Variants in MINDY2 observed in about 807,000 individuals in gnomAD.
MINDY2 encodes MINDY lysine 48 deubiquitinase 2, also known as ubiquitin carboxyl-terminal hydrolase MINDY-2.
Under a neutral mutation model 68.2 loss-of-function variants are expected in MINDY2, and 52 were observed. That is an observed-to-expected ratio of 0.76 (90% confidence interval 0.61 to 0.96). The LOEUF (loss-of-function observed/expected upper bound fraction) is 0.96. Ranked by LOEUF, MINDY2 falls within the 40% of genes least tolerant of loss-of-function variation. The probability of loss-of-function intolerance (pLI) is 0.00; values close to 1 mark genes in which losing one functional copy is unlikely to be tolerated. For missense variants in MINDY2, 881 were observed against 773.4 expected, an observed-to-expected ratio of 1.14 and a Z score of -1.65; for synonymous variants, 372 against 303.0, an observed-to-expected ratio of 1.23 and a Z score of -2.36.
At chr15:58,788,024 AT>A in intron 2 of MINDY2, 61 bp downstream of exon 2, 1 of 1,161,224 alleles carries the variant, frequency 8.6e-7, no homozygotes, top group Non-Finnish European at 1.2e-6. Context: ...AAGCTAGTTG[AT>A]TACCCAGTCT....
chr15:58,846,595 C>CAA (rs11335033), intron 6 of MINDY2, among the ~76,000 whole-genome samples: 5 of 98,246 alleles, frequency 5.1e-5, no homozygotes, highest in African/African-American at 1.6e-4. Flanking sequence ...TGAGACTCCT[C>CAA]AAAAAAAAAA....
In MINDY2 at chr15:58,823,316, A is replaced by G. The variant is rs188909316; in HGVS notation, c.1225+1497A>G. Among the ~76,000 whole-genome samples, 88 of 151,566 alleles carry G rather than the reference A, an allele frequency of 5.8e-4. 3 individuals are homozygous for G. The East Asian group carries it at 0.015, about 26-fold the overall frequency. On this transcript the variant is annotated intron_variant, in intron 5 of 8. Coordinates refer to ENST00000559228, the MANE Select transcript of MINDY2 (RefSeq NM_001040450.3). The stretch of plus-strand genomic sequence containing the variant: ...ATTTTGTATTTTTAGTAGAGATGGG[A>G]TTTTGTCATGTTGGTCAAGCTGGGA...
chr15:58,788,576 T>C (rs1176233155), intron 2 of MINDY2, among the ~76,000 whole-genome samples: 4 of 152,224 alleles, frequency 2.6e-5, no homozygotes, highest in African/African-American at 9.6e-5. Context: ...ACTGGCTACA[T>C]TGAGTTGAAC....
At chr15:58,818,812 T>G (rs867517303) in intron 4 of MINDY2, among the ~76,000 whole-genome samples, 2 of 148,146 alleles carry the variant, frequency 1.4e-5, no homozygotes, top group African/African-American at 5.2e-5. Flanking sequence ...GCTAATTTTT[T>G]GTATTTTTTG....
intron 4 of MINDY2, 75 bp from the exon 5 acceptor site, chr15:58,821,638 ATTCT>A: frequency 1.3e-6 from 1 of 767,630 alleles, no homozygotes. Flanking sequence ...TTAGAATAAA[ATTCT>A]AAAGAGTGAT....
intron 4 of MINDY2, among the ~76,000 whole-genome samples, chr15:58,819,265 G>T (rs1354982877): frequency 7.9e-5 from 12 of 152,168 alleles, no homozygotes; most frequent in African/African-American, 2.9e-4. Context: ...CCTGGACAAC[G>T]TAATGAGACC....
chr15:58,821,779 C>T lies in MINDY2; in HGVS notation c.1185C>T (p.Ile395=), dbSNP rs2031073178. The T allele has an allele frequency of 1.3e-6, 2 of 1,589,166 alleles. No individual in the cohort carries two copies. Among genetic ancestry groups the T allele is most frequent in the Non-Finnish European group, 1.7e-6 (2 of 1,171,042 alleles). The change falls in exon 5 of 9, where the codon ATC becomes ATT. Residue 395 remains isoleucine, a synonymous_variant. Coordinates refer to ENST00000559228, the MANE Select transcript of MINDY2 (RefSeq NM_001040450.3). ...CSYNQLVEKI[I]SCKQSDNSEL... ...ACAACCAACTAGTGGAGAAGATCAT[C>T]TCTTGTAAACAGTCAGACAATAGTG...
At position 58,860,978 on chromosome 15, in the gene MINDY2, A is replaced by G. The variant is rs1225590212; in HGVS notation, c.*6368A>G. On this transcript the variant is annotated 3_prime_UTR_variant, in exon 9 of 9. Coordinates refer to ENST00000559228, the MANE Select transcript of MINDY2 (RefSeq NM_001040450.3). ...AAATGACAGCTTGTTACAGATTCAC[A>G]CATTACAAGTAGGACAGTATAACAG... 3 of 152,244 alleles carry G rather than the reference A, an allele frequency of 2.0e-5. No homozygotes were observed. In the East Asian group the frequency reaches 5.8e-4, roughly 29 times the overall value. 9.4% of individuals were successfully genotyped at this position (152,244 alleles called of 1,614,324 possible). A position where few individuals can be genotyped will look rare whatever the true frequency, so the allele number is the denominator to read the frequency against.
At chr15:58,849,242 C>T (rs2032695227) in intron 7 of MINDY2, among the ~76,000 whole-genome samples, 1 of 151,062 alleles carries the variant, frequency 6.6e-6, no homozygotes, top group Non-Finnish European at 1.5e-5. Context: ...GTGGCTCACA[C>T]CTATAGTCGC....
At position 58,771,946 on chromosome 15, in the gene MINDY2, C is replaced by A. The variant is rs944417978; in HGVS notation, c.551C>A (p.Ser184Tyr). 8 of 1,556,064 alleles carry A rather than the reference C, an allele frequency of 5.1e-6. No individual in the cohort carries two copies. Among genetic ancestry groups the A allele is most frequent in the Non-Finnish European group, 6.9e-6 (8 of 1,152,810 alleles). The change falls in exon 1 of 9, where the codon TCT becomes TAT. Residue 184 changes from serine (S) to tyrosine (Y), a missense_variant. Transcript: ENST00000559228. ...DSLESFSNLH[S>Y]FPSSCEFNSE... The stretch of plus-strand genomic sequence containing the variant: ...CTGGAGTCGTTCTCTAACCTGCATT[C>A]TTTTCCCAGTAGCTGCGAGTTCAAT...
chr15:58,858,755 C>T lies in MINDY2; in HGVS notation c.*4145C>T, dbSNP rs1349294058. The T allele has an allele frequency of 6.6e-6, 1 of 152,028 alleles. No individual in the cohort carries two copies. The highest frequency in any genetic ancestry group is 1.5e-5 in the Non-Finnish European group (1 of 67,940). The allele number at this position is 152,028 out of a possible 1,614,324, so 9.4% of individuals were successfully genotyped here. A position where few individuals can be genotyped will look rare whatever the true frequency, so the allele number is the denominator to read the frequency against. ...CTATCACACAGTACTTATGCATAAACTTATAATAGTAAAATTACTAATGTT... is the reference window on the plus strand; with the variant it reads ...CTATCACACAGTACTTATGCATAAATTTATAATAGTAAAATTACTAATGTT... On this transcript the variant is annotated 3_prime_UTR_variant, in exon 9 of 9. Transcript: ENST00000559228.
intron 1 of MINDY2, among the ~76,000 whole-genome samples, chr15:58,782,417 C>G (rs1380747932): frequency 1.3e-5 from 2 of 152,184 alleles, no homozygotes; most frequent in African/African-American, 4.8e-5. Context: ...ATTCAACTCC[C>G]TGTTTGAATG....
chr15:58,817,053 G>C (rs1406120842), intron 4 of MINDY2, among the ~76,000 whole-genome samples: 1 of 152,158 alleles, frequency 6.6e-6, no homozygotes, highest in South Asian at 2.1e-4. Context: ...TGACATCACT[G>C]TACGGAGGGA....
intron 6 of MINDY2, among the ~76,000 whole-genome samples, chr15:58,846,267 CAT>C (rs1244702743): frequency 2.0e-5 from 3 of 152,126 alleles, no homozygotes; most frequent in Non-Finnish European, 2.9e-5. Context: ...CATTTACCCT[CAT>C]GTGATTATTA....
Position 58,786,675 on chromosome 15 carries a change from A to G in MINDY2, c.841-1231A>G, listed in dbSNP as rs1595708428. 2.0e-5 allele frequency among the ~76,000 whole-genome samples: 3 copies of G among 152,336 alleles called. No individual in the cohort carries two copies. In the South Asian group the frequency reaches 6.2e-4, roughly 32 times the overall value. On this transcript the variant is annotated intron_variant, in intron 1 of 8. Transcript: ENST00000559228. ...AATAAATTATTATAAAGCAAACATC[A>G]TTGGAACTACTATTGCAGGTCAAGA...
rs2033025872 is a variant in MINDY2, at chr15:58,855,383, C to T, written c.*773C>T. 6.6e-6 allele frequency: 1 copy of T among 152,480 alleles called. No homozygotes were observed. The highest frequency in any genetic ancestry group is 2.4e-5 in the African/African-American group (1 of 41,398). 9.4% of individuals were successfully genotyped at this position (152,480 alleles called of 1,614,324 possible). On this transcript the variant is annotated 3_prime_UTR_variant, in exon 9 of 9. Transcript: ENST00000559228. ...TCATAGGTAACCTGGACCACAGTTA[C>T]TATTTATTGACAATGTGATTGAGTG...
intron 5 of MINDY2, among the ~76,000 whole-genome samples, chr15:58,822,178 CAGG>C (rs1384388685): frequency 6.6e-6 from 1 of 151,748 alleles, no homozygotes; most frequent in Non-Finnish European, 1.5e-5. Flanking sequence ...CGCTTGAACC[CAGG>C]AGGTGGAGGT....
At chr15:58,849,397 C>T (rs1263023367) in intron 7 of MINDY2, among the ~76,000 whole-genome samples, 2 of 151,836 alleles carry the variant, frequency 1.3e-5, no homozygotes, top group East Asian at 1.9e-4. Context: ...CTCAGCTACT[C>T]GGGAGACTGA....
chr15:58,795,997 CTCTT>C, intron 2 of MINDY2: 1 of 429,572 alleles, frequency 2.3e-6, no homozygotes, highest in South Asian at 1.7e-5. Flanking sequence ...GGAGAATACT[CTCTT>C]TATGACTTGG....
Sources: gnomAD v4.1 joint callset for allele counts (sites outside exome capture counted in the v4.1 genomes callset) on GRCh38, gnomAD v4.1.1 for gene constraint, MANE v1.5 for transcripts, NCBI Gene and HGNC (gene_info 2026-07-23, HGNC 2026-07-21) for gene names.